Variants in ATP8A2 observed in about 807,000 individuals in gnomAD.
ATP8A2 encodes the protein phospholipid-transporting ATPase IB.
Under a neutral mutation model 165.6 loss-of-function variants are expected in ATP8A2, and 100 were observed. That is an observed-to-expected ratio of 0.60 (90% confidence interval 0.51 to 0.71). ATP8A2 has a LOEUF of 0.71. Ranked by LOEUF, ATP8A2 falls within the 30% of genes least tolerant of loss-of-function variation. ATP8A2 has a pLI of 0.00. For synonymous variants in ATP8A2, 543 were observed against 548.8 expected, an observed-to-expected ratio of 0.99 and a Z score of 0.15; for missense variants, 1,227 against 1,479.5, an observed-to-expected ratio of 0.83 and a Z score of 2.80.
At chr13:25,893,271 A>G (rs1417964257) in intron 33 of ATP8A2, among the ~76,000 whole-genome samples, 16 of 139,164 alleles carry the variant, frequency 1.1e-4, no homozygotes, top group Non-Finnish European at 2.1e-4. Flanking sequence ...TCATTGTTCA[A>G]TTCCCACCTA....
chr13:25,870,327 TG>T (rs1952640487), intron 33 of ATP8A2, among the ~76,000 whole-genome samples: 1 of 152,076 alleles, frequency 6.6e-6, no homozygotes, highest in Non-Finnish European at 1.5e-5. Flanking sequence ...AGGGTGGTTT[TG>T]GGAAATGCAA....
At chr13:25,439,902 G>A (rs1290512815) in intron 1 of ATP8A2, among the ~76,000 whole-genome samples, 1 of 125,676 alleles carries the variant, frequency 8.0e-6, no homozygotes, top group African/African-American at 2.9e-5. Context: ...GCAAAACCCT[G>A]TCTATAAAAA....
intron 24 of ATP8A2, among the ~76,000 whole-genome samples, chr13:25,678,728 G>T (rs757912296): frequency 6.6e-6 from 1 of 152,154 alleles, no homozygotes; most frequent in Admixed American, 6.5e-5. Flanking sequence ...TTAGTCCTGG[G>T]GTTGAATTGT....
chr13:25,557,285 GC>G (rs2039008968), intron 13 of ATP8A2, among the ~76,000 whole-genome samples: 1 of 152,136 alleles, frequency 6.6e-6, no homozygotes, highest in Non-Finnish European at 1.5e-5. Flanking sequence ...TGCCTTTGGG[GC>G]TCTGGTCACA....
intron 2 of ATP8A2, among the ~76,000 whole-genome samples, chr13:25,509,351 A>G (rs2037147361): frequency 6.6e-6 from 1 of 152,194 alleles, no homozygotes; most frequent in Non-Finnish European, 1.5e-5. Flanking sequence ...CCAAAAGATC[A>G]ATTAAAAATA....
At chr13:25,404,958 A>G (rs565507454) in intron 1 of ATP8A2, among the ~76,000 whole-genome samples, 1 of 152,270 alleles carries the variant, frequency 6.6e-6, no homozygotes, top group African/African-American at 2.4e-5. Flanking sequence ...AGAGGAAGAG[A>G]AAGCTAGAAA....
intron 1 of ATP8A2, among the ~76,000 whole-genome samples, chr13:25,387,213 G>A (rs927112100): frequency 6.6e-6 from 1 of 152,174 alleles, no homozygotes; most frequent in African/African-American, 2.4e-5. Flanking sequence ...GAGCAGCCAT[G>A]AGCCTCAAGC....
intron 33 of ATP8A2, among the ~76,000 whole-genome samples, chr13:25,934,183 T>C (rs966631713): frequency 6.6e-6 from 1 of 152,256 alleles, no homozygotes; most frequent in Non-Finnish European, 1.5e-5. Context: ...CTTTTCCAGA[T>C]GTTTCTACCC....
At chr13:25,469,149 A>G in intron 2 of ATP8A2, 28 bp downstream of exon 2, 1 of 1,610,756 alleles carries the variant, frequency 6.2e-7, no homozygotes, top group Non-Finnish European at 8.5e-7. Flanking sequence ...GCTCGCGCGG[A>G]AGGCGGTGGA....
chr13:25,449,047 C>T (rs1387896792), intron 1 of ATP8A2, among the ~76,000 whole-genome samples: 2 of 152,160 alleles, frequency 1.3e-5, no homozygotes, highest in African/African-American at 4.8e-5. Context: ...CATGATTTCC[C>T]TAAGATAAAT....
At chr13:25,432,587 C>G (rs1025679270) in intron 1 of ATP8A2, among the ~76,000 whole-genome samples, 1 of 152,072 alleles carries the variant, frequency 6.6e-6, no homozygotes, top group African/African-American at 2.4e-5. Flanking sequence ...GCTCAGAGCT[C>G]CTAGGCAAGG....
At chr13:25,660,265 G>A (rs1481372353) in intron 24 of ATP8A2, among the ~76,000 whole-genome samples, 1 of 152,124 alleles carries the variant, frequency 6.6e-6, no homozygotes, top group East Asian at 1.9e-4. Context: ...CAACGTTTGT[G>A]TGATTCTGAA....
intron 30 of ATP8A2, among the ~76,000 whole-genome samples, chr13:25,850,672 A>G (rs1277142490): frequency 6.6e-6 from 1 of 152,176 alleles, no homozygotes; most frequent in Non-Finnish European, 1.5e-5. Context: ...TGAAAACAGG[A>G]AAGACTCTCA....
chr13:25,551,200 G>T, intron 10 of ATP8A2, 138 bp from the exon 11 acceptor site: 1 of 738,154 alleles, frequency 1.4e-6, no homozygotes, highest in Non-Finnish European at 2.2e-6. Context: ...GTACACTTTT[G>T]AATTGCATTG....
chr13:25,573,930 A>G (rs568276329), intron 18 of ATP8A2, among the ~76,000 whole-genome samples: 48 of 152,272 alleles, frequency 3.2e-4, no homozygotes, highest in Non-Finnish European at 6.2e-4. Flanking sequence ...ATACTTGGTA[A>G]TTTGAATGTG....
chr13:26,006,557 G>A (rs1204288271), intron 35 of ATP8A2, among the ~76,000 whole-genome samples: 2 of 151,980 alleles, frequency 1.3e-5, no homozygotes, highest in Non-Finnish European at 2.9e-5. Flanking sequence ...TTGAATAGAA[G>A]TGCTGAAAGT....
chr13:25,737,052 G>T (rs1201661928), intron 25 of ATP8A2, among the ~76,000 whole-genome samples: 1 of 152,148 alleles, frequency 6.6e-6, no homozygotes, highest in Admixed American at 6.5e-5. Flanking sequence ...GTTAGGAGGG[G>T]AGTTTTAGTG....
chr13:25,699,613 A>G (rs2042909449), intron 25 of ATP8A2, among the ~76,000 whole-genome samples: 1 of 152,206 alleles, frequency 6.6e-6, no homozygotes, highest in African/African-American at 2.4e-5. Flanking sequence ...ATGGGGGATA[A>G]ATTGGAAAAA....
rs142092585 is a variant in ATP8A2 at position 25,812,314 on chromosome 13, C to T, written c.2680-15804C>T. Reference sequence around the variant, plus strand: ...CTTCTGAAGCACCCTCTCCTCCAGTCCCTATCTGGACTGCTTGCTCTCTAG... The same window carrying T: ...CTTCTGAAGCACCCTCTCCTCCAGTTCCTATCTGGACTGCTTGCTCTCTAG... On this transcript the variant is annotated intron_variant, in intron 27 of 36. Transcript: ENST00000381655. 4.4e-3 allele frequency among the ~76,000 whole-genome samples: 664 copies of T among 150,164 alleles called. 16 individuals carry two copies. The highest frequency in any genetic ancestry group is 0.036 in the Admixed American group (535 of 14,986).
Sources: allele counts gnomAD v4.1 joint callset (sites outside exome capture counted in the v4.1 genomes callset), GRCh38; gene constraint gnomAD v4.1.1; transcripts MANE v1.5; gene names NCBI Gene and HGNC (gene_info 2026-07-23, HGNC 2026-07-21).